The following CA1 variants were observed in gnomAD, a reference collection of about 807,000 sequenced individuals.
CA1 encodes the protein carbonic anhydrase 1.
A neutral mutation model predicts 28.8 loss-of-function variants in CA1; 27 were observed. The observed-to-expected ratio is 0.94, with a 90% CI of 0.69 to 1.29. CA1 has a LOEUF of 1.29. Among genes scored for constraint, CA1 ranks in the 50% most tolerant of loss-of-function variants. The probability of loss-of-function intolerance (pLI) is 0.00; values close to 1 mark genes in which losing one functional copy is unlikely to be tolerated. For synonymous variants in CA1, 121 were observed against 108.8 expected (o/e 1.11, Z -0.70); for missense variants, 335 against 310.5 (o/e 1.08, Z -0.59).
chr8:85,353,340 A>C (rs1308159477), intron 1 of CA1, among the ~76,000 whole-genome samples: 2 of 152,216 alleles, frequency 1.3e-5, no homozygotes. Context: ...ATGTGGTTTC[A>C]AATTCAAAGG....
At chr8:85,336,812 T>C in intron 4 of CA1, 133 bp downstream of exon 4, 2 of 732,244 alleles carry the variant, frequency 2.7e-6, no homozygotes, top group East Asian at 2.6e-5. Context: ...TTGATTTTAA[T>C]GGAAACTGGG....
chr8:85,337,113 C>T, intron 3 of CA1, 50 bp from the exon 4 acceptor site: 1 of 993,626 alleles, frequency 1.0e-6, no homozygotes, highest in Non-Finnish European at 1.6e-6. Context: ...CAAACTCTAG[C>T]TTATCTTTGC....
At chr8:85,334,783 G>A (rs1007748104) in intron 4 of CA1, among the ~76,000 whole-genome samples, 2 of 152,036 alleles carry the variant, frequency 1.3e-5, no homozygotes, top group Non-Finnish European at 2.9e-5. Flanking sequence ...ACGAGGTCAG[G>A]AGTTCGAGAT....
At chr8:85,340,155 G>A (rs1219271617) in intron 2 of CA1, among the ~76,000 whole-genome samples, 1 of 152,198 alleles carries the variant, frequency 6.6e-6, no homozygotes, top group Non-Finnish European at 1.5e-5. Flanking sequence ...CTAGAGAGGA[G>A]AAGTCAATGC....
chr8:85,339,625 G>A (rs969799841), intron 2 of CA1, among the ~76,000 whole-genome samples: 2 of 152,196 alleles, frequency 1.3e-5, no homozygotes, highest in Non-Finnish European at 2.9e-5. Flanking sequence ...GCTCAGTGAA[G>A]AAGGCATGTC....
intron 1 of CA1, among the ~76,000 whole-genome samples, chr8:85,357,565 A>C (rs1390006635): frequency 6.6e-6 from 1 of 152,200 alleles, no homozygotes; most frequent in Non-Finnish European, 1.5e-5. Context: ...AAATAGAATA[A>C]AATCTCTTTT....
intron 1 of CA1, among the ~76,000 whole-genome samples, chr8:85,374,274 A>G (rs1810329534): frequency 6.6e-6 from 1 of 152,202 alleles, no homozygotes; most frequent in African/African-American, 2.4e-5. Flanking sequence ...AAGAGCTTTT[A>G]TCTATATTTT....
chr8:85,343,692 A>C (rs896022409), intron 1 of CA1, among the ~76,000 whole-genome samples: 1 of 152,168 alleles, frequency 6.6e-6, no homozygotes, highest in Non-Finnish European at 1.5e-5. Flanking sequence ...TGTCACATGA[A>C]TGCTTTAACA....
intron 1 of CA1, among the ~76,000 whole-genome samples, chr8:85,355,461 C>T (rs1162765812): frequency 2.0e-5 from 3 of 151,832 alleles, no homozygotes; most frequent in African/African-American, 4.8e-5. Context: ...CAGATCACTG[C>T]AGCATCCAGG....
chr8:85,374,278 A>G (rs1219842281), intron 1 of CA1, among the ~76,000 whole-genome samples: 1 of 152,198 alleles, frequency 6.6e-6, no homozygotes, highest in South Asian at 2.1e-4. Context: ...GCTTTTATCT[A>G]TATTTTAATT....
chr8:85,331,917 T>C (rs1218609203), intron 6 of CA1, among the ~76,000 whole-genome samples: 1 of 152,174 alleles, frequency 6.6e-6, no homozygotes, highest in African/African-American at 2.4e-5. Flanking sequence ...TTTAATCTTT[T>C]CTAGAATCAG....
intron 1 of CA1, among the ~76,000 whole-genome samples, chr8:85,359,682 A>T (rs957386774): frequency 3.9e-5 from 6 of 152,204 alleles, no homozygotes; most frequent in African/African-American, 1.4e-4. Context: ...TTTTCTGTTT[A>T]TCTTTGTTTG....
chr8:85,369,521 CA>C (rs1232646375), intron 1 of CA1, among the ~76,000 whole-genome samples: 2 of 152,070 alleles, frequency 1.3e-5, no homozygotes, highest in Non-Finnish European at 2.9e-5. Flanking sequence ...TTTGAAACTC[CA>C]AAGATCTTAA....
chr8:85,344,282 T>TATATTATA (rs1809079158), intron 1 of CA1, among the ~76,000 whole-genome samples: 1 of 80,826 alleles, frequency 1.2e-5, no homozygotes, highest in African/African-American at 5.0e-5. Flanking sequence ...TAATTATATA[T>TATATTATA]TATATACAGT....
At chr8:85,334,279 T>G (rs1808545688) in intron 4 of CA1, among the ~76,000 whole-genome samples, 1 of 152,204 alleles carries the variant, frequency 6.6e-6, no homozygotes, top group Non-Finnish European at 1.5e-5. Context: ...TTTTAAATGC[T>G]CAATCAATAA....
intron 1 of CA1, among the ~76,000 whole-genome samples, chr8:85,375,999 T>C (rs921737909): frequency 6.6e-6 from 1 of 152,238 alleles, no homozygotes; most frequent in Non-Finnish European, 1.5e-5. Context: ...AATAATATCC[T>C]ATAGAGGGAA....
At chr8:85,360,106 A>C (rs553850246) in intron 1 of CA1, among the ~76,000 whole-genome samples, 1 of 152,340 alleles carries the variant, frequency 6.6e-6, no homozygotes, top group South Asian at 2.1e-4. Context: ...TTTGGGAACA[A>C]ATTCCATAGC....
chr8:85,359,965 C>A (rs1007511147), intron 1 of CA1, among the ~76,000 whole-genome samples: 2 of 152,178 alleles, frequency 1.3e-5, no homozygotes, highest in Non-Finnish European at 2.9e-5. Flanking sequence ...CCATGGAAAA[C>A]ATGTGCTTAT....
rs766788186 is a variant in CA1 at position 85,328,576 on chromosome 8, A to G, written c.770T>C (p.Val257Ala). Residue 257 changes from valine (V) to alanine (A), a missense_variant, in exon 8 of 8, where the codon GTG (valine) becomes GCG (alanine). Physicochemically the swap from Val to Ala is moderately conservative, Grantham distance 64. Transcript: ENST00000523022. ...TCAGAATCATCAAAATGAAGCTCTC[A>G]CTGTTCTGCCCTTCAGAGGTTGGGT... The part of the protein sequence containing the change: ...RPTQPLKGRT[V>A]RASF 39 of 1,603,940 alleles carry G rather than the reference A, an allele frequency of 2.4e-5. No homozygotes were observed. The highest frequency in any genetic ancestry group is 1.0e-4 in the Admixed American group (6 of 59,924).
Sources: allele counts gnomAD v4.1 joint callset (sites outside exome capture counted in the v4.1 genomes callset), GRCh38; gene constraint gnomAD v4.1.1; transcripts MANE v1.5; gene names NCBI Gene and HGNC (gene_info 2026-07-23, HGNC 2026-07-21).